DPYD: variants seen among roughly 807,000 people sequenced by gnomAD.
The protein encoded by DPYD is dihydropyrimidine dehydrogenase [NADP(+)].
Under a neutral mutation model 116.2 loss-of-function variants are expected in DPYD, and 109 were observed. The observed-to-expected ratio is 0.94, with a 90% CI of 0.80 to 1.10. The LOEUF is 1.10. DPYD is among the 50% of genes least tolerant of loss of function. The pLI is 0.00. For synonymous variants in DPYD, 440 were observed against 432.0 expected, an observed-to-expected ratio of 1.02 and a Z score of -0.23; for missense variants, 1,302 against 1,254.5, an observed-to-expected ratio of 1.04 and a Z score of -0.57.
At chr1:97,117,711 T>C (rs1025007508) in intron 20 of DPYD, among the ~76,000 whole-genome samples, 1 of 152,206 alleles carries the variant, frequency 6.6e-6, no homozygotes, top group Admixed American at 6.5e-5. Context: ...CAGGATTTAG[T>C]ATTAAAGTTG....
At chr1:97,565,419 C>T (rs1652448157) in intron 11 of DPYD, among the ~76,000 whole-genome samples, 1 of 152,056 alleles carries the variant, frequency 6.6e-6, no homozygotes, top group Non-Finnish European at 1.5e-5. Context: ...AATTCAAAAT[C>T]CCTACTTTAG....
At chr1:97,180,038 A>G (rs1355964129) in intron 20 of DPYD, among the ~76,000 whole-genome samples, 1 of 152,176 alleles carries the variant, frequency 6.6e-6, no homozygotes, top group Non-Finnish European at 1.5e-5. Context: ...CTAAGCTCCC[A>G]GGGTTTTGGT....
At chr1:97,804,267 T>TAC (rs1667976807) in intron 3 of DPYD, among the ~76,000 whole-genome samples, 1 of 151,782 alleles carries the variant, frequency 6.6e-6, no homozygotes. Context: ...CACCACTTAC[T>TAC]AAGGATCAAA....
At chr1:97,498,191 G>A (rs1679376658) in intron 13 of DPYD, among the ~76,000 whole-genome samples, 1 of 151,596 alleles carries the variant, frequency 6.6e-6, no homozygotes, top group Non-Finnish European at 1.5e-5. Flanking sequence ...CTGCTAATGG[G>A]TATGGAGTTT....
chr1:97,357,726 C>T (rs1670495638), intron 16 of DPYD, among the ~76,000 whole-genome samples: 1 of 152,126 alleles, frequency 6.6e-6, no homozygotes, highest in African/African-American at 2.4e-5. Context: ...GACTATTATT[C>T]CATTGTCTTT....
chr1:97,546,092 G>A (rs1037564071), intron 12 of DPYD: 1 of 1,417,704 alleles, frequency 7.1e-7, no homozygotes, highest in Non-Finnish European at 1.0e-6. Context: ...TTACAGTGCT[G>A]GTTAAGTTGA....
Position 97,204,350 on chromosome 1 carries a change from A to C in DPYD, c.2443-11102T>G, listed in dbSNP as rs144527210. The stretch of plus-strand genomic sequence containing the variant: ...GTTTTAATGAAGGCCAAGAACCTAA[A>C]AGTAAAATGCCTGGTCTTCAGCTAC... On this transcript the variant is annotated intron_variant, in intron 19 of 22. Transcript: ENST00000370192. 9.7e-4 allele frequency among the ~76,000 whole-genome samples: 148 copies of C among 152,274 alleles called. 1 individual carries two copies. The highest frequency in any genetic ancestry group is 3.4e-3 in the Middle Eastern group (1 of 294).
intron 20 of DPYD, among the ~76,000 whole-genome samples, chr1:97,186,237 A>T (rs1219367346): frequency 6.6e-6 from 1 of 152,190 alleles, no homozygotes; most frequent in Non-Finnish European, 1.5e-5. Flanking sequence ...GTGTTATTTC[A>T]GTTTTTTTTA....
intron 16 of DPYD, among the ~76,000 whole-genome samples, chr1:97,340,990 T>C (rs2101227595): frequency 6.6e-6 from 1 of 152,322 alleles, no homozygotes; most frequent in Non-Finnish European, 1.5e-5. Flanking sequence ...AACCAACAGA[T>C]GACCTACCTC....
chr1:97,351,467 G>C (rs1670139584), intron 16 of DPYD, among the ~76,000 whole-genome samples: 1 of 151,560 alleles, frequency 6.6e-6, no homozygotes, highest in Non-Finnish European at 1.5e-5. Context: ...AAAGTGGCAA[G>C]AAAAGAAAAA....
chr1:97,386,094 G>T (rs1296302074), intron 14 of DPYD, among the ~76,000 whole-genome samples: 2 of 151,974 alleles, frequency 1.3e-5, no homozygotes, highest in African/African-American at 2.4e-5. Context: ...GATACATTAT[G>T]GTAAGCAGTG....
chr1:97,735,720 AAATAAAT>A (rs1663902782), intron 4 of DPYD, among the ~76,000 whole-genome samples: 1 of 149,536 alleles, frequency 6.7e-6, no homozygotes, highest in Non-Finnish European at 1.5e-5. Context: ...ATAAATAAAT[AAATAAAT>A]AAAACAATAA....
At chr1:97,895,672 G>A (rs1169634313) in intron 1 of DPYD, among the ~76,000 whole-genome samples, 2 of 151,630 alleles carry the variant, frequency 1.3e-5, no homozygotes, top group African/African-American at 4.8e-5. Flanking sequence ...AAGGAGCTGA[G>A]GAGTTGGGGA....
chr1:97,100,666 A>G (rs1429642792), intron 20 of DPYD, among the ~76,000 whole-genome samples: 1 of 152,126 alleles, frequency 6.6e-6, no homozygotes, highest in Non-Finnish European at 1.5e-5. Context: ...CTTTTAATCT[A>G]TCTTCCTTTA....
At chr1:97,529,784 TTTTTC>T (rs1170940692) in intron 12 of DPYD, among the ~76,000 whole-genome samples, 44 of 148,674 alleles carry the variant, frequency 3.0e-4, no homozygotes, top group African/African-American at 1.0e-3. Context: ...TTTCTTTCTC[TTTTTC>T]TTTTTTCCCT....
At chr1:97,239,806 CT>C (rs1662204265) in intron 18 of DPYD, among the ~76,000 whole-genome samples, 1 of 151,992 alleles carries the variant, frequency 6.6e-6, no homozygotes, top group Non-Finnish European at 1.5e-5. Context: ...CCCACCGAAT[CT>C]CAATTTTGTC....
intron 3 of DPYD, among the ~76,000 whole-genome samples, chr1:97,813,932 A>G (rs1440008264): frequency 3.0e-4 from 46 of 151,668 alleles, no homozygotes; most frequent in African/African-American, 1.0e-3. Flanking sequence ...ACACACACAC[A>G]CACACACACA....
chr1:97,512,811 A>T (rs1034007358), intron 13 of DPYD, among the ~76,000 whole-genome samples: 1 of 151,884 alleles, frequency 6.6e-6, no homozygotes, highest in Admixed American at 6.6e-5. Flanking sequence ...AAATGATTTC[A>T]TAACTATATT....
intron 12 of DPYD, among the ~76,000 whole-genome samples, chr1:97,523,888 T>G (rs919389765): frequency 2.6e-5 from 4 of 152,006 alleles, no homozygotes; most frequent in African/African-American, 9.7e-5. Flanking sequence ...TTTTGCAAGG[T>G]AAAAAAGTTC....
Sources: gnomAD v4.1 joint callset for allele counts (sites outside exome capture counted in the v4.1 genomes callset) on GRCh38, gnomAD v4.1.1 for gene constraint, MANE v1.5 for transcripts, NCBI Gene and HGNC (gene_info 2026-07-23, HGNC 2026-07-21) for gene names.